The following BICRA variants were observed in gnomAD, a reference collection of about 807,000 sequenced individuals.
BICRA encodes BRD4-interacting chromatin-remodeling complex-associated protein.
BICRA carries 31 observed loss-of-function variants against 96.9 expected under a neutral mutation model. The ratio of observed to expected loss-of-function variants is 0.32; its 90% CI spans 0.24 to 0.43. The LOEUF is 0.43. Ranked by LOEUF, BICRA falls within the 20% of genes least tolerant of loss-of-function variation. The probability of loss-of-function intolerance (pLI) is 1.00; values close to 1 mark genes in which losing one functional copy is unlikely to be tolerated. For missense variants in BICRA, 2,283 were observed against 2,190.3 expected, an observed-to-expected ratio of 1.04 and a Z score of -0.84; for synonymous variants, 1,350 against 1,071.8, an observed-to-expected ratio of 1.26 and a Z score of -5.07.
intron 1 of BICRA, among the ~76,000 whole-genome samples, chr19:47,612,654 A>G (rs1224761238): frequency 6.8e-6 from 1 of 147,852 alleles, no homozygotes; most frequent in Non-Finnish European, 1.5e-5. Context: ...GGGCTGACGG[A>G]GAGGGGCTGG....
intron 7 of BICRA, among the ~76,000 whole-genome samples, chr19:47,685,780 T>TGCGCGCGC (rs1356497911): frequency 1.5e-5 from 2 of 131,194 alleles, no homozygotes; most frequent in African/African-American, 6.0e-5. Context: ...TGTGTGTGTG[T>TGCGCGCGC]GTGTGTGCGC....
At chr19:47,654,295 A>G (rs1385889416) in intron 1 of BICRA, among the ~76,000 whole-genome samples, 3 of 152,098 alleles carry the variant, frequency 2.0e-5, no homozygotes, top group Admixed American at 6.5e-5. Flanking sequence ...GATGTTGAGT[A>G]TCTTGTCATG....
At chr19:47,667,540 C>T (rs1337182767) in intron 1 of BICRA, among the ~76,000 whole-genome samples, 6 of 152,092 alleles carry the variant, frequency 3.9e-5, no homozygotes, top group African/African-American at 1.2e-4. Flanking sequence ...AGACGTGAAC[C>T]CTTCATCTTG....
intron 10 of BICRA, 99 bp from the exon 11 acceptor site, chr19:47,696,352 G>T: frequency 9.1e-7 from 1 of 1,104,488 alleles, no homozygotes; most frequent in South Asian, 1.4e-5. Context: ...TGAGACACTG[G>T]TCCCCTGTCC....
chr19:47,685,798 C>T (rs543282661), intron 7 of BICRA, among the ~76,000 whole-genome samples: 231 of 137,204 alleles, frequency 1.7e-3, no homozygotes, highest in African/African-American at 5.7e-3. Context: ...CGCGCGCGCG[C>T]GCATGCGTAC....
At chr19:47,644,961 G>A (rs767171873) in intron 1 of BICRA, among the ~76,000 whole-genome samples, 2 of 152,186 alleles carry the variant, frequency 1.3e-5, no homozygotes, top group Non-Finnish European at 2.9e-5. Flanking sequence ...TAAACGATTT[G>A]AGAGTAGGAA....
Position 47,689,600 on chromosome 19 carries a change from C to T in BICRA, c.2284-4515C>T, listed in dbSNP as rs193075434. On this transcript the variant is annotated intron_variant, in intron 7 of 14. Transcript: ENST00000594866. Reference sequence around the variant, plus strand: ...CTAATTTCTGTATTTTTAGTAGAGACAGGGTTTCGCCATGTTGGCCAGGCT... The same window carrying T: ...CTAATTTCTGTATTTTTAGTAGAGATAGGGTTTCGCCATGTTGGCCAGGCT... Among the ~76,000 whole-genome samples, 16 of 152,222 alleles carry T rather than the reference C, an allele frequency of 1.1e-4. No homozygotes were observed. The East Asian group carries it at 2.5e-3, about 24-fold the overall frequency.
chr19:47,652,380 G>C (rs1358587760), intron 1 of BICRA, among the ~76,000 whole-genome samples: 1 of 152,020 alleles, frequency 6.6e-6, no homozygotes, highest in African/African-American at 2.4e-5. Flanking sequence ...TAGAGAACAG[G>C]GTCTCACTAT....
At chr19:47,677,180 G>C (rs1972954537) in intron 5 of BICRA, among the ~76,000 whole-genome samples, 2 of 152,338 alleles carry the variant, frequency 1.3e-5, no homozygotes, top group African/African-American at 4.8e-5. Context: ...GATGATAGAT[G>C]CTTCTCGAGC....
In BICRA at chr19:47,695,984, C is replaced by T. The variant is rs181138245; in HGVS notation, c.3187-467C>T. Among the ~76,000 whole-genome samples the T allele has an allele frequency of 4.8e-3, 735 of 151,876 alleles. 3 individuals are homozygous for T. The highest frequency in any genetic ancestry group is 0.017 in the African/African-American group (699 of 41,394). On this transcript the variant is annotated intron_variant, in intron 10 of 14. Coordinates refer to ENST00000594866, the MANE Select transcript of BICRA (RefSeq NM_001394372.1). ...GTGGGAGGACCAGGACCCAAGAGGC[C>T]GGGAGAAGCTCAGAGATGGAGATGC...
rs1332062011 is a variant in BICRA at position 47,680,622 on chromosome 19, G to A, written c.1452G>A (p.Gln484=). ...LPGAPAVQLP[Q]QLSALPANVG... ...GCGCCCCGGCGGTCCAGCTCCCGCA[G>A]CAGCTCTCAGCCCTGCCGGCCAACG... Residue 484 remains glutamine, a synonymous_variant, in exon 6 of 15, where the codon CAG becomes CAA. Coordinates refer to ENST00000594866, the MANE Select transcript of BICRA (RefSeq NM_001394372.1). 15 of 1,610,246 alleles carry A rather than the reference G, an allele frequency of 9.3e-6. No individual in the cohort carries two copies. Among genetic ancestry groups the A allele is most frequent in the Non-Finnish European group, 1.2e-5 (14 of 1,178,764 alleles).
intron 7 of BICRA, among the ~76,000 whole-genome samples, chr19:47,692,650 G>C (rs1032097947): frequency 6.6e-6 from 1 of 152,200 alleles, no homozygotes; most frequent in Non-Finnish European, 1.5e-5. Context: ...ACAGCGCCAA[G>C]GACTGCGCCT....
intron 1 of BICRA, among the ~76,000 whole-genome samples, chr19:47,654,276 G>T (rs1972582126): frequency 6.6e-6 from 1 of 152,050 alleles, no homozygotes; most frequent in Non-Finnish European, 1.5e-5. Flanking sequence ...CACTTCCCTG[G>T]TGGCTAATGA....
chr19:47,630,664 G>A (rs191794718), intron 1 of BICRA, among the ~76,000 whole-genome samples: 1 of 152,214 alleles, frequency 6.6e-6, no homozygotes, highest in Non-Finnish European at 1.5e-5. Flanking sequence ...TTCTGCCATC[G>A]ATGGACACTT....
chr19:47,651,830 A>G (rs1378753749), intron 1 of BICRA, among the ~76,000 whole-genome samples: 1 of 152,180 alleles, frequency 6.6e-6, no homozygotes, highest in Non-Finnish European at 1.5e-5. Flanking sequence ...GTTATTTAAG[A>G]GACAGGAGGA....
At chr19:47,674,394 C>T (rs1233790444) in intron 4 of BICRA, among the ~76,000 whole-genome samples, 3 of 150,654 alleles carry the variant, frequency 2.0e-5, no homozygotes, top group Non-Finnish European at 4.4e-5. Flanking sequence ...CCCTTAAACA[C>T]GAGAATGCCA....
intron 6 of BICRA, 31 bp downstream of exon 6, chr19:47,681,307 C>A: frequency 6.5e-7 from 1 of 1,534,836 alleles, no homozygotes; most frequent in Non-Finnish European, 8.7e-7. Context: ...GAGCAGGTAC[C>A]GGAGGAGGCG....
chr19:47,685,064 T>G lies in BICRA; in HGVS notation c.2283+2912T>G, dbSNP rs75593460. 7.2e-3 allele frequency among the ~76,000 whole-genome samples: 1,093 copies of G among 151,984 alleles called. 30 individuals carry two copies. The East Asian group carries it at 0.092, about 13-fold the overall frequency. ...TGACTCCTACAACCTCCGCCTCCCA[T>G]GCTTAAGTGATCCTCCCACCTCAGC... On this transcript the variant is annotated intron_variant, in intron 7 of 14. Transcript: ENST00000594866.
intron 1 of BICRA, among the ~76,000 whole-genome samples, chr19:47,639,969 A>G (rs1041047701): frequency 6.6e-6 from 1 of 152,116 alleles, no homozygotes; most frequent in Admixed American, 6.5e-5. Context: ...CAACATATCA[A>G]GAGGCTCTTA....
Sources: gnomAD v4.1 joint callset for allele counts (sites outside exome capture counted in the v4.1 genomes callset) on GRCh38, gnomAD v4.1.1 for gene constraint, MANE v1.5 for transcripts, NCBI Gene and HGNC (gene_info 2026-07-23, HGNC 2026-07-21) for gene names.